Variants in MBD5 observed in about 807,000 individuals in gnomAD.
MBD5 encodes the protein methyl-CpG-binding domain protein 5.
MBD5 carries 13 observed loss-of-function variants against 117.3 expected under a neutral mutation model. The observed-to-expected ratio is 0.11, with a 90% CI of 0.07 to 0.18. The LOEUF is 0.18. Among genes scored for constraint, MBD5 ranks in the 10% least tolerant of loss-of-function variants. MBD5 has a pLI of 1.00. For missense variants in MBD5, 1,879 were observed against 2,093.8 expected (o/e 0.90, Z 2.00); for synonymous variants, 727 against 766.4 (o/e 0.95, Z 0.85).
chr2:148,156,891 G>C (rs866104959), intron 1 of MBD5, among the ~76,000 whole-genome samples: 2 of 152,078 alleles, frequency 1.3e-5, no homozygotes, highest in African/African-American at 2.4e-5. Context: ...ATTTTCATGA[G>C]AACAGAAAGC....
At chr2:148,509,194 C>T (rs1193474519) in intron 12 of MBD5, among the ~76,000 whole-genome samples, 1 of 152,126 alleles carries the variant, frequency 6.6e-6, no homozygotes, top group Non-Finnish European at 1.5e-5. Flanking sequence ...AAAGAATCAC[C>T]TTAGCACTTG....
intron 3 of MBD5, among the ~76,000 whole-genome samples, chr2:148,282,446 T>A (rs1701269283): frequency 6.6e-6 from 1 of 152,106 alleles, no homozygotes; most frequent in African/African-American, 2.4e-5. Context: ...TTCAAAACCT[T>A]TGTTTCCTCA....
At chr2:148,247,447 T>A (rs1700364957) in intron 3 of MBD5, among the ~76,000 whole-genome samples, 1 of 152,158 alleles carries the variant, frequency 6.6e-6, no homozygotes, top group Admixed American at 6.5e-5. Flanking sequence ...GGCCATCCTT[T>A]AAATAAGTTA....
At chr2:148,387,942 T>C (rs947451185) in intron 4 of MBD5, among the ~76,000 whole-genome samples, 2 of 152,184 alleles carry the variant, frequency 1.3e-5, no homozygotes, top group Admixed American at 1.3e-4. Context: ...ATAAATTAAT[T>C]TGATTCCAGT....
chr2:148,273,206 A>G (rs962346615), intron 3 of MBD5, among the ~76,000 whole-genome samples: 1 of 152,176 alleles, frequency 6.6e-6, no homozygotes, highest in East Asian at 1.9e-4. Flanking sequence ...ATTCCTGGGC[A>G]TCGGTCAAAC....
intron 4 of MBD5, among the ~76,000 whole-genome samples, chr2:148,361,521 G>A (rs866538903): frequency 6.6e-6 from 1 of 152,154 alleles, no homozygotes; most frequent in Non-Finnish European, 1.5e-5. Flanking sequence ...TGAATGACTG[G>A]CTTAACAATT....
intron 12 of MBD5, 60 bp downstream of exon 12, chr2:148,502,569 T>A: frequency 6.7e-7 from 1 of 1,486,570 alleles, no homozygotes; most frequent in Non-Finnish European, 9.3e-7. Context: ...TGTTTTTCCA[T>A]CAAAGGGACA....
intron 1 of MBD5, among the ~76,000 whole-genome samples, chr2:148,127,568 C>A (rs1696932705): frequency 6.6e-6 from 1 of 152,108 alleles, no homozygotes; most frequent in Non-Finnish European, 1.5e-5. Context: ...CATGATCTTC[C>A]TTTCTACGCC....
At chr2:148,512,368 G>A (rs1227637167) in intron 13 of MBD5, 1 of 189,846 alleles carries the variant, frequency 5.3e-6, no homozygotes, top group Admixed American at 5.3e-5. Flanking sequence ...AAACATCCTT[G>A]GGCTGAGCTA....
Position 148,484,024 on chromosome 2 carries a change from A to T in MBD5, c.3433A>T (p.Thr1145Ser), listed in dbSNP as rs1208721166. The change falls in exon 9 of 14, where the codon ACA (threonine) becomes TCA (serine). Residue 1145 changes from threonine (T) to serine (S), a missense_variant. Around this residue, in one of 4 missense-constraint regions of MBD5, gnomAD observed 1,666 missense variants for 1,792.2 expected, o/e 0.93. Coordinates refer to ENST00000642680, the MANE Select transcript of MBD5 (RefSeq NM_001378120.1). ...GACAGCAGTGGTGTCAATGGCAGAAACATTGCTGAATATATCTAATAATGC... is the reference window on the plus strand; with the variant it reads ...GACAGCAGTGGTGTCAATGGCAGAATCATTGCTGAATATATCTAATAATGC... The part of the protein sequence containing the change: ...GGTAVVSMAE[T>S]LLNISNNAGN... 1 of 1,550,538 alleles carries T rather than the reference A, an allele frequency of 6.4e-7. No individual in the cohort carries two copies. The highest frequency in any genetic ancestry group is 8.7e-7 in the Non-Finnish European group (1 of 1,146,950).
intron 4 of MBD5, among the ~76,000 whole-genome samples, chr2:148,442,680 G>T (rs1706364025): frequency 6.6e-6 from 1 of 151,158 alleles, no homozygotes; most frequent in Non-Finnish European, 1.5e-5. Context: ...GATTAAATGA[G>T]CTTGGATATC....
At chr2:148,267,774 G>A (rs1283894499) in intron 3 of MBD5, among the ~76,000 whole-genome samples, 1 of 151,342 alleles carries the variant, frequency 6.6e-6, no homozygotes, top group Non-Finnish European at 1.5e-5. Context: ...TATGACTTGG[G>A]GTAGGTATCT....
intron 3 of MBD5, among the ~76,000 whole-genome samples, chr2:148,325,307 G>T (rs958708388): frequency 1.9e-4 from 29 of 152,110 alleles, no homozygotes; most frequent in African/African-American, 6.0e-4. Context: ...TTTTTTGGTT[G>T]TGTCTCTGCC....
At chr2:148,317,919 G>A (rs1447056931) in intron 3 of MBD5, among the ~76,000 whole-genome samples, 2 of 152,128 alleles carry the variant, frequency 1.3e-5, no homozygotes, top group South Asian at 2.1e-4. Flanking sequence ...CAATGAACAC[G>A]AGTGCAGGTA....
At chr2:148,257,436 G>T (rs1700617257) in intron 3 of MBD5, among the ~76,000 whole-genome samples, 1 of 152,208 alleles carries the variant, frequency 6.6e-6, no homozygotes, top group African/African-American at 2.4e-5. Context: ...TCGTTGTGGT[G>T]GGCTGGAGAT....
chr2:148,147,112 A>G (rs1697486149), intron 1 of MBD5, among the ~76,000 whole-genome samples: 1 of 151,934 alleles, frequency 6.6e-6, no homozygotes, highest in Non-Finnish European at 1.5e-5. Flanking sequence ...AATAAATCTA[A>G]TATTTGGGTT....
intron 4 of MBD5, among the ~76,000 whole-genome samples, chr2:148,395,071 G>A (rs1373257362): frequency 6.6e-6 from 1 of 152,156 alleles, no homozygotes; most frequent in African/African-American, 2.4e-5. Context: ...AGGTGAGTTA[G>A]TATAAGGATA....
intron 1 of MBD5, among the ~76,000 whole-genome samples, chr2:148,088,091 A>G (rs1558920332): frequency 6.6e-6 from 1 of 152,176 alleles, no homozygotes; most frequent in Non-Finnish European, 1.5e-5. Flanking sequence ...TTTCAACAAT[A>G]GAATCAAACA....
At chr2:148,345,480 T>C (rs556576000) in intron 4 of MBD5, among the ~76,000 whole-genome samples, 7 of 66,296 alleles carry the variant, frequency 1.1e-4, no homozygotes, top group Non-Finnish European at 1.7e-4. Context: ...TACACATACA[T>C]ATACATATGT....
Sources: gnomAD v4.1 joint callset for allele counts (sites outside exome capture counted in the v4.1 genomes callset) on GRCh38, gnomAD v4.1.1 for gene constraint, gnomAD v4.1.1 regional missense constraint, MANE v1.5 for transcripts, NCBI Gene and HGNC (gene_info 2026-07-23, HGNC 2026-07-21) for gene names.